The following NXNL1 variants were observed in gnomAD, a reference collection of about 807,000 sequenced individuals.
NXNL1 encodes nucleoredoxin-like protein 1.
NXNL1 carries 6 observed loss-of-function variants against 7.2 expected under a neutral mutation model. The ratio of observed to expected loss-of-function variants is 0.83; its 90% CI spans 0.46 to 1.64. The LOEUF (loss-of-function observed/expected upper bound fraction) is 1.64. Ranked by LOEUF, NXNL1 falls within the 40% of genes most tolerant of loss-of-function variation. The probability of loss-of-function intolerance (pLI) is 0.01; values close to 1 mark genes in which losing one functional copy is unlikely to be tolerated. For synonymous variants in NXNL1, 133 were observed against 127.2 expected (o/e 1.05, Z -0.31); for missense variants, 308 against 285.1 (o/e 1.08, Z -0.58).
rs1401877765 is a variant in NXNL1 at position 17,460,781 on chromosome 19, A to G, written c.89T>C (p.Leu30Pro). 1.9e-6 allele frequency: 3 copies of G among 1,613,860 alleles called. No individual in the cohort carries two copies. Among genetic ancestry groups the G allele is most frequent in the South Asian group, 2.2e-5 (2 of 91,084 alleles). The change falls in exon 1 of 2, where the codon CTG becomes CCG. Residue 30 changes from leucine to proline, a missense_variant. Leu to Pro is a moderately conservative substitution (Grantham distance 98). Transcript: ENST00000301944. ...LDTEAEVSRR[L>P]ENRLVLLFFG... ...GAACAGCAGCACCAGCCGGTTCTCC[A>G]GCCTGCGACTGACCTCAGCCTCCGT...
chr19:17,456,537 GT>G (rs2074994006), intron 1 of NXNL1, among the ~76,000 whole-genome samples: 1 of 151,914 alleles, frequency 6.6e-6, no homozygotes, highest in Admixed American at 6.6e-5. Flanking sequence ...CCAAGGCAGT[GT>G]TTTTCTCCAA....
intron 1 of NXNL1, among the ~76,000 whole-genome samples, chr19:17,457,265 T>C (rs2144515710): frequency 6.6e-6 from 1 of 152,184 alleles, no homozygotes; most frequent in East Asian, 1.9e-4. Context: ...CTAGTTAAAT[T>C]TGAATTTCAG....
At position 17,455,479 on chromosome 19, in the gene NXNL1, T is replaced by G; in HGVS notation, c.*168A>C. ...CACCACACCGGGCTAACTTTTAATT[T>G]TCGTAGAGTCAGGGTCTCACTCTCT... is the stretch of plus-strand genomic sequence containing the variant. On this transcript the variant is annotated 3_prime_UTR_variant, in exon 2 of 2. Transcript: ENST00000301944. 1 of 590,302 alleles carries G rather than the reference T, an allele frequency of 1.7e-6. No homozygotes were observed. The highest frequency in any genetic ancestry group is 2.1e-5 in the South Asian group (1 of 47,048). 36.6% of individuals were successfully genotyped at this position (590,302 alleles called of 1,614,324 possible).
At chr19:17,460,504 A>G (rs1160859122) in intron 1 of NXNL1, 40 bp downstream of exon 1, 2 of 1,589,628 alleles carry the variant, frequency 1.3e-6, no homozygotes, top group South Asian at 1.1e-5. Context: ...TTCAGCGAAC[A>G]TGCCCCCTCC....
chr19:17,455,544 T>TC lies in NXNL1; in HGVS notation c.*102dup. The TC allele has an allele frequency of 5.7e-6, 4 of 701,898 alleles. No homozygotes were observed. Among genetic ancestry groups the TC allele is most frequent in the African/African-American group, 1.8e-5 (1 of 55,694 alleles). The allele number at this position is 701,898 out of a possible 1,614,324, so 43.5% of individuals were successfully genotyped here. On this transcript the variant is annotated 3_prime_UTR_variant, in exon 2 of 2. Coordinates refer to ENST00000301944, the MANE Select transcript of NXNL1 (RefSeq NM_138454.2). Reference sequence around the variant, plus strand: ...TCGAACCTCTGGGCTCAAGCGATCCTCCCGCCTTGGCCTCCCCAAGTGCTG... The same window carrying TC: ...TCGAACCTCTGGGCTCAAGCGATCCTCCCCGCCTTGGCCTCCCCAAGTGCTG...
At position 17,460,794 on chromosome 19, in the gene NXNL1, C is replaced by T; in HGVS notation, c.76G>A (p.Val26Ile). Residue 26 changes from valine (V) to isoleucine (I), a missense_variant, in exon 1 of 2, where the codon GTC (valine) becomes ATC (isoleucine). Coordinates refer to ENST00000301944, the MANE Select transcript of NXNL1 (RefSeq NM_138454.2). ...AGCCGGTTCTCCAGCCTGCGACTGA[C>T]CTCAGCCTCCGTATCCAGCTCGTCC... is the stretch of plus-strand genomic sequence containing the variant. ...DQDELDTEAE[V>I]SRRLENRLVL... 6.2e-7 allele frequency: 1 copy of T among 1,613,860 alleles called. No homozygotes were observed. Among genetic ancestry groups the T allele is most frequent in the Non-Finnish European group, 8.5e-7 (1 of 1,180,032 alleles).
chr19:17,455,662 G>GGC lies in NXNL1; in HGVS notation c.622_623dup (p.Gly209ProfsTer56). The GGC allele has an allele frequency of 6.4e-6, 3 of 471,732 alleles. No individual in the cohort carries two copies. Among genetic ancestry groups the GGC allele is most frequent in the East Asian group, 5.6e-5 (1 of 17,766 alleles). 29.2% of individuals were successfully genotyped at this position (471,732 alleles called of 1,614,324 possible). On this transcript the variant is annotated frameshift_variant, in exon 2 of 2. Transcript: ENST00000301944. LOFTEE classifies it high-confidence loss of function. Reference sequence around the variant, plus strand: ...CCCTAGCGGGTCAGAACAGCCCCCCGGCCCCGCCCTCCTCCCCACCCCCTC... The same window carrying GGC: ...CCCTAGCGGGTCAGAACAGCCCCCCGGCGCCCCGCCCTCCTCCCCACCCCCTC...
intron 1 of NXNL1, 103 bp from the exon 2 acceptor site, chr19:17,456,062 C>T: frequency 1.3e-6 from 2 of 1,532,188 alleles, no homozygotes; most frequent in Non-Finnish European, 1.7e-6. Flanking sequence ...CTTCTGTGTG[C>T]ACTGCCTCTT....
At chr19:17,458,339 C>T (rs2075000751) in intron 1 of NXNL1, among the ~76,000 whole-genome samples, 1 of 150,772 alleles carries the variant, frequency 6.6e-6, no homozygotes, top group African/African-American at 2.4e-5. Context: ...CTTGCCTCAG[C>T]CTCTCCGAGT....
intron 1 of NXNL1, among the ~76,000 whole-genome samples, chr19:17,456,187 G>C (rs4808646): frequency 5.3e-5 from 8 of 151,854 alleles, no homozygotes; most frequent in African/African-American, 1.7e-4. Flanking sequence ...TGTGCTGGCT[G>C]TGCCCACGTC....
Position 17,455,616 on chromosome 19 carries a change from A to G in NXNL1, c.*31T>C. On this transcript the variant is annotated 3_prime_UTR_variant, in exon 2 of 2. Coordinates refer to ENST00000301944, the MANE Select transcript of NXNL1 (RefSeq NM_138454.2). ...GGGGTGGGGGTGGAGGTTCATCAAC[A>G]AACCCCACTCCTCTCCTCCACCCTA... 7.6e-7 allele frequency: 1 copy of G among 1,313,816 alleles called. No individual in the cohort carries two copies. Among genetic ancestry groups the G allele is most frequent in the Non-Finnish European group, 1.0e-6 (1 of 955,764 alleles). 81.4% of individuals were successfully genotyped at this position (1,313,816 alleles called of 1,614,324 possible). A position where few individuals can be genotyped will look rare whatever the true frequency, so the allele number is the denominator to read the frequency against.
intron 1 of NXNL1, among the ~76,000 whole-genome samples, chr19:17,456,733 C>T (rs564736847): frequency 1.3e-5 from 2 of 152,170 alleles, no homozygotes; most frequent in South Asian, 2.1e-4. Context: ...CTGCTGCATT[C>T]TTCCGTGGCC....
At chr19:17,459,598 A>G (rs1328893455) in intron 1 of NXNL1, among the ~76,000 whole-genome samples, 1 of 151,870 alleles carries the variant, frequency 6.6e-6, no homozygotes, top group Non-Finnish European at 1.5e-5. Flanking sequence ...TTGTATTTTT[A>G]GTAGAGACAG....
rs768515599 is a variant in NXNL1, at chr19:17,455,844, A to G, written c.442T>C (p.Cys148Arg). ...GCCGCCTCCTGCCAGTTGGCGAAGC[A>G]GGCGGTGCCCAGGCGCTGGATCTCG... The part of the protein sequence containing the change: ...ADEIQRLGTA[C>R]FANWQEAAEV... Residue 148 changes from cysteine (C) to arginine (R), a missense_variant, in exon 2 of 2, where the codon TGC (cysteine) becomes CGC (arginine). By Grantham distance (180) the Cys-to-Arg change is radical. Coordinates refer to ENST00000301944, the MANE Select transcript of NXNL1 (RefSeq NM_138454.2). The G allele has an allele frequency of 3.1e-6, 5 of 1,588,294 alleles. No homozygotes were observed. In the South Asian group the frequency reaches 4.5e-5, roughly 14 times the overall value.
chr19:17,460,009 A>G (rs902949365), intron 1 of NXNL1, among the ~76,000 whole-genome samples: 2 of 150,636 alleles, frequency 1.3e-5, no homozygotes, highest in Admixed American at 1.3e-4. Flanking sequence ...TCGCTATTAT[A>G]TATTTGTTTT....
In NXNL1 at chr19:17,460,807, A is replaced by G. The variant is rs2075010191; in HGVS notation, c.63T>C (p.Asp21=). The G allele has an allele frequency of 1.2e-6, 2 of 1,613,728 alleles. No individual in the cohort carries two copies. The highest frequency in any genetic ancestry group is 2.7e-5 in the African/African-American group (2 of 74,928). Residue 21 remains aspartate (D), a synonymous_variant, in exon 1 of 2, where the codon GAT becomes GAC. Coordinates refer to ENST00000301944, the MANE Select transcript of NXNL1 (RefSeq NM_138454.2). ...GCCTGCGACTGACCTCAGCCTCCGT[A>G]TCCAGCTCGTCCTGGTCGCTATTGT... The part of the protein sequence containing the change: ...IRNNSDQDEL[D]TEAEVSRRLE...
chr19:17,458,060 AT>A (rs2074999226), intron 1 of NXNL1, among the ~76,000 whole-genome samples: 1 of 152,138 alleles, frequency 6.6e-6, no homozygotes, highest in East Asian at 1.9e-4. Context: ...ACGTATTTTT[AT>A]TGTAGACAAA....
intron 1 of NXNL1, among the ~76,000 whole-genome samples, chr19:17,458,196 T>A (rs146656585): frequency 7.4e-4 from 111 of 150,828 alleles, no homozygotes; most frequent in African/African-American, 2.0e-3. Context: ...AACATTTTTT[T>A]TCTTTCTTTC....
At chr19:17,456,340 A>AAATAAATAAATAAAGC (rs1355258092) in intron 1 of NXNL1, among the ~76,000 whole-genome samples, 1 of 151,454 alleles carries the variant, frequency 6.6e-6, no homozygotes, top group Non-Finnish European at 1.5e-5. Flanking sequence ...ATAAATAAAT[A>AAATAAATAAATAAAGC]AAGCAGGGTG....
Sources: allele counts gnomAD v4.1 joint callset (sites outside exome capture counted in the v4.1 genomes callset), GRCh38; gene constraint gnomAD v4.1.1; transcripts MANE v1.5; gene names NCBI Gene and HGNC (gene_info 2026-07-23, HGNC 2026-07-21).